Variants in ZNF653 observed in about 807,000 individuals in gnomAD.
The protein encoded by ZNF653 is 67 kDa zinc finger protein.
A neutral mutation model predicts 59.9 loss-of-function variants in ZNF653; 37 were observed. The ratio of observed to expected loss-of-function variants is 0.62; its 90% CI spans 0.48 to 0.81. ZNF653 has a LOEUF of 0.81. Among genes scored for constraint, ZNF653 ranks in the 40% least tolerant of loss-of-function variants. The probability of loss-of-function intolerance (pLI) is 0.00; values close to 1 mark genes in which losing one functional copy is unlikely to be tolerated. For synonymous variants in ZNF653, 435 were observed against 371.8 expected, an observed-to-expected ratio of 1.17 and a Z score of -1.96; for missense variants, 808 against 881.1, an observed-to-expected ratio of 0.92 and a Z score of 1.05.
intron 1 of ZNF653, among the ~76,000 whole-genome samples, chr19:11,503,121 A>G (rs1971664973): frequency 6.6e-6 from 1 of 152,098 alleles, no homozygotes; most frequent in African/African-American, 2.4e-5. Context: ...CACTTAAGAA[A>G]AGGCTCCCAC....
intron 1 of ZNF653, among the ~76,000 whole-genome samples, chr19:11,502,612 C>T (rs1210820378): frequency 6.6e-6 from 1 of 152,130 alleles, no homozygotes; most frequent in Non-Finnish European, 1.5e-5. Flanking sequence ...GGGAGGATCT[C>T]TTGAGTCCAG....
At chr19:11,490,379 CTGT>C (rs918846221) in intron 3 of ZNF653, among the ~76,000 whole-genome samples, 15 of 152,110 alleles carry the variant, frequency 9.9e-5, no homozygotes, top group Admixed American at 2.0e-4. Context: ...TTTTGTTGTT[CTGT>C]TGTTGTTGTT....
rs1205432204 is a variant in ZNF653, at chr19:11,505,481, C to A, written c.299+7G>T. 9.4e-6 allele frequency: 14 copies of A among 1,481,968 alleles called. No homozygotes were observed. Among genetic ancestry groups the A allele is most frequent in the Non-Finnish European group, 1.2e-5 (14 of 1,128,206 alleles). 91.8% of individuals were successfully genotyped at this position (1,481,968 alleles called of 1,614,324 possible). ...TCCCTCCCTCCCTCGGGGCCAGGCC[C>A]CCTCACCCGTGGCGGCCGCTCCGCT... On this transcript the variant is annotated splice_region_variant and intron_variant, in intron 1 of 8. Coordinates refer to ENST00000293771, the MANE Select transcript of ZNF653 (RefSeq NM_138783.4).
In ZNF653 at chr19:11,485,702, C is replaced by A; in HGVS notation, c.1524G>T (p.Lys508Asn). 6.2e-7 allele frequency: 1 copy of A among 1,614,092 alleles called. No homozygotes were observed. Among genetic ancestry groups the A allele is most frequent in the Non-Finnish European group, 8.5e-7 (1 of 1,179,996 alleles). The change falls in exon 7 of 9, where the codon AAG becomes AAT. Residue 508 changes from lysine (K) to asparagine (N), a missense_variant. Physicochemically the swap from Lys to Asn is moderately conservative, Grantham distance 94. Coordinates refer to ENST00000293771, the MANE Select transcript of ZNF653 (RefSeq NM_138783.4). ...KVCPHPGCGK[K>N]FYLSNHLRRH... ...GCCGCAGGTGGTTGGATAAATAGAA[C>A]TTCTTGCCACAGCCAGGATGAGGGC...
intron 1 of ZNF653, among the ~76,000 whole-genome samples, chr19:11,499,682 C>T (rs577667768): frequency 2.1e-4 from 31 of 150,522 alleles, no homozygotes; most frequent in African/African-American, 6.4e-4. Flanking sequence ...GAGGTTAAGA[C>T]GGGTGCATCG....
rs1481349874 is a variant in ZNF653 at position 11,505,819 on chromosome 19, G to T, written c.-33C>A. The T allele has an allele frequency of 1.5e-6, 2 of 1,336,716 alleles. No homozygotes were observed. The highest frequency in any genetic ancestry group is 3.9e-5 in the Admixed American group (1 of 25,416). The allele number at this position is 1,336,716 out of a possible 1,614,324, so 82.8% of individuals were successfully genotyped here. On this transcript the variant is annotated 5_prime_UTR_variant, in exon 1 of 9. Transcript: ENST00000293771. The stretch of plus-strand genomic sequence containing the variant: ...ACCCTGGTTACCAGCCTCCCCCGTT[G>T]TTAGGAGCCAGACCGGAAGTGGCGC...
Position 11,498,451 on chromosome 19 carries a change from C to CT in ZNF653, c.300-113dup, listed in dbSNP as rs931252989. 2.7e-6 allele frequency: 4 copies of CT among 1,458,410 alleles called. No individual in the cohort carries two copies. In the African/African-American group the frequency reaches 5.7e-5, roughly 21 times the overall value. 90.3% of individuals were successfully genotyped at this position (1,458,410 alleles called of 1,614,324 possible). A position where few individuals can be genotyped will look rare whatever the true frequency, so the allele number is the denominator to read the frequency against. On this transcript the variant is annotated intron_variant, in intron 1 of 8. Coordinates refer to ENST00000293771, the MANE Select transcript of ZNF653 (RefSeq NM_138783.4). ...TGCTCATTGTACACTGAAACTAAAT[C>CT]TGAACTTTTTGAGATGGAGTCTCAC...
chr19:11,498,418 AG>A (rs1971610438), intron 1 of ZNF653, 79 bp from the exon 2 acceptor site: 2 of 1,551,516 alleles, frequency 1.3e-6, no homozygotes, highest in African/African-American at 1.4e-5. Flanking sequence ...AACAGTGGCT[AG>A]AGCCACTGCT....
At position 11,496,095 on chromosome 19, in the gene ZNF653, C is replaced by T. The variant is rs201190251; in HGVS notation, c.414G>A (p.Pro138=). 27 of 1,614,068 alleles carry T rather than the reference C, an allele frequency of 1.7e-5. No individual in the cohort carries two copies. Among genetic ancestry groups the T allele is most frequent in the African/African-American group, 5.3e-5 (4 of 75,044 alleles). Residue 138 remains proline (P), a synonymous_variant, in exon 3 of 9, where the codon CCG becomes CCA. Transcript: ENST00000293771. ...IWYEDHKHRC[P]YEPHLAELDP... ...CTAGCTCCGCCAGGTGCGGCTCGTA[C>T]GGGCAGCGGTGCTTGTGGTCCTCGT...
chr19:11,505,691 C>T lies in ZNF653; in HGVS notation c.96G>A (p.Lys32=), dbSNP rs1205157468. 2.4e-5 allele frequency: 35 copies of T among 1,488,028 alleles called. No individual in the cohort carries two copies. The highest frequency in any genetic ancestry group is 4.6e-5 in the Admixed American group (2 of 43,414). The allele number at this position is 1,488,028 out of a possible 1,614,324, so 92.2% of individuals were successfully genotyped here. ...CCGTGAGTCGCGGCCGGCCCCGCGCCTTTCGGCCCGCTGCGCCCTCCTCGG... is the reference window on the plus strand; with the variant it reads ...CCGTGAGTCGCGGCCGGCCCCGCGCTTTTCGGCCCGCTGCGCCCTCCTCGG... The part of the protein sequence containing the change: ...AAAEEGAAGR[K]ARGRPRLTES... The change falls in exon 1 of 9, where the codon AAG becomes AAA. Residue 32 remains lysine (K), a synonymous_variant. Transcript: ENST00000293771.
chr19:11,496,059 A>G lies in ZNF653; in HGVS notation c.450T>C (p.Phe150=), dbSNP rs776839317. The part of the protein sequence containing the change: ...EPHLAELDPT[F]GLYTTAVWQC... ...GCCACACGGCCGTGGTGTACAGGCC[A>G]AAAGTGGGGTCTAGCTCCGCCAGGT... is the stretch of plus-strand genomic sequence containing the variant. Residue 150 remains phenylalanine, a synonymous_variant, in exon 3 of 9, where the codon TTT becomes TTC. Coordinates refer to ENST00000293771, the MANE Select transcript of ZNF653 (RefSeq NM_138783.4). 70 of 1,614,170 alleles carry G rather than the reference A, an allele frequency of 4.3e-5. No homozygotes were observed. Among genetic ancestry groups the G allele is most frequent in the South Asian group, 2.6e-4 (24 of 91,082 alleles).
intron 7 of ZNF653, 88 bp from the exon 8 acceptor site, chr19:11,484,229 G>T: frequency 9.2e-7 from 1 of 1,082,984 alleles, no homozygotes; most frequent in Non-Finnish European, 1.4e-6. Flanking sequence ...AGGAGCATCA[G>T]GCTGTCTCCT....
chr19:11,485,578 C>T, intron 7 of ZNF653, 78 bp downstream of exon 7: 1 of 1,214,358 alleles, frequency 8.2e-7, no homozygotes, highest in Non-Finnish European at 1.2e-6. Context: ...GGGCTTTGAC[C>T]CGCCAGCTCT....
rs566604831 is a variant in ZNF653 at position 11,494,477 on chromosome 19, G to C, written c.559+1473C>G. Among the ~76,000 whole-genome samples, 5 of 152,232 alleles carry C rather than the reference G, an allele frequency of 3.3e-5. No homozygotes were observed. In the East Asian group the frequency reaches 7.7e-4, roughly 24 times the overall value. On this transcript the variant is annotated intron_variant, in intron 3 of 8. Coordinates refer to ENST00000293771, the MANE Select transcript of ZNF653 (RefSeq NM_138783.4). ...AGGCCGAGGTGGGTGGATCAACTGA[G>C]GTCAGGAGTTCAAGACCAGCCGGCC...
intron 1 of ZNF653, among the ~76,000 whole-genome samples, chr19:11,500,207 G>A (rs1363324804): frequency 6.6e-6 from 1 of 152,096 alleles, no homozygotes; most frequent in Non-Finnish European, 1.5e-5. Flanking sequence ...GCACCTTGGG[G>A]ATCTTCCATC....
chr19:11,484,381 G>T (rs930511090), intron 7 of ZNF653, among the ~76,000 whole-genome samples: 5 of 152,022 alleles, frequency 3.3e-5, no homozygotes, highest in Admixed American at 2.6e-4. Flanking sequence ...GCCAACATGG[G>T]TCTGAATTTG....
Position 11,487,953 on chromosome 19 carries a change from A to G in ZNF653, c.560-50T>C, listed in dbSNP as rs1260615393. ...GGTTATGATAGCTGCAGCCACTGGT[A>G]TTTGTTTATTTAGTTTTTATTTTAT... On this transcript the variant is annotated intron_variant, in intron 3 of 8. Coordinates refer to ENST00000293771, the MANE Select transcript of ZNF653 (RefSeq NM_138783.4). This position sits in a 1 kb window ranked among gnomAD's most constrained non-coding sequence, Gnocchi z 5.1. The G allele has an allele frequency of 1.4e-6, 2 of 1,385,616 alleles. No individual in the cohort carries two copies. Among genetic ancestry groups the G allele is most frequent in the African/African-American group, 3.2e-5 (2 of 62,098 alleles). The allele number at this position is 1,385,616 out of a possible 1,614,324, so 85.8% of individuals were successfully genotyped here.
chr19:11,499,460 C>T (rs1971621727), intron 1 of ZNF653, among the ~76,000 whole-genome samples: 2 of 151,920 alleles, frequency 1.3e-5, no homozygotes, highest in African/African-American at 4.8e-5. Flanking sequence ...TCTTGGCCCA[C>T]AGCCAGCAAG....
At position 11,487,289 on chromosome 19, in the gene ZNF653, G is replaced by A; in HGVS notation, c.1171+3C>T. On this transcript the variant is annotated splice_donor_region_variant and intron_variant, in intron 4 of 8. Coordinates refer to ENST00000293771, the MANE Select transcript of ZNF653 (RefSeq NM_138783.4). The surrounding 1 kb of genome is among the most constrained non-coding windows in gnomAD (Gnocchi z 5.1). ...GCCAGAGGCCACGACAGGTCCCCCA[G>A]ACCTTTCTTGGTCTCGATGCCTGCT... 8 of 1,609,932 alleles carry A rather than the reference G, an allele frequency of 5.0e-6. No individual in the cohort carries two copies. The highest frequency in any genetic ancestry group is 6.8e-6 in the Non-Finnish European group (8 of 1,177,352).
Sources: allele counts gnomAD v4.1 joint callset (sites outside exome capture counted in the v4.1 genomes callset), GRCh38; gene constraint gnomAD v4.1.1; non-coding constraint Gnocchi (gnomAD v3.1); transcripts MANE v1.5; gene names NCBI Gene and HGNC (gene_info 2026-07-23, HGNC 2026-07-21).